Variants in WWOX observed in about 807,000 individuals in gnomAD.
The protein encoded by WWOX is WW domain-containing oxidoreductase.
Under a neutral mutation model 46.2 loss-of-function variants are expected in WWOX, and 69 were observed. The ratio of observed to expected loss-of-function variants is 1.49; its 90% CI spans 1.23 to 1.82. The LOEUF (loss-of-function observed/expected upper bound fraction) is 1.82. Ranked by LOEUF, WWOX falls within the 40% of genes most tolerant of loss-of-function variation. The pLI, the probability that WWOX is intolerant of heterozygous loss-of-function variation, is 0.00. For missense variants in WWOX, 919 were observed against 542.6 expected (o/e 1.69, Z -6.89); for synonymous variants, 359 against 202.6 (o/e 1.77, Z -6.56).
intron 8 of WWOX, among the ~76,000 whole-genome samples, chr16:78,902,568 T>C (rs529418404): frequency 4.9e-4 from 74 of 152,348 alleles, no homozygotes; most frequent in African/African-American, 1.6e-3. Context: ...GCCAAAGATA[T>C]GCCCGAGTAG....
At chr16:78,551,784 G>A (rs575741692) in intron 8 of WWOX, 2 of 152,280 alleles carry the variant, frequency 1.3e-5, no homozygotes, top group African/African-American at 4.8e-5. Context: ...CCTCTGCCGA[G>A]ACTCCAGGGA....
intron 8 of WWOX, among the ~76,000 whole-genome samples, chr16:78,515,833 G>A (rs2043223394): frequency 6.6e-6 from 1 of 152,154 alleles, no homozygotes; most frequent in Non-Finnish European, 1.5e-5. Flanking sequence ...GTTAAAAAAA[G>A]CAATAACATT....
intron 8 of WWOX, among the ~76,000 whole-genome samples, chr16:78,887,468 A>AACACACACACACAC (rs78503110): frequency 7.4e-6 from 1 of 135,956 alleles, no homozygotes; most frequent in African/African-American, 2.9e-5. Flanking sequence ...AAGTATATAA[A>AACACACACACACAC]ACACACACAC....
chr16:79,170,053 A>C (rs891169289), intron 8 of WWOX, among the ~76,000 whole-genome samples: 1 of 152,172 alleles, frequency 6.6e-6, no homozygotes, highest in African/African-American at 2.4e-5. Flanking sequence ...ATGAGCGCCA[A>C]CCAGCTCAAA....
chr16:78,568,675 A>G (rs1026612706), intron 8 of WWOX, among the ~76,000 whole-genome samples: 1 of 151,976 alleles, frequency 6.6e-6, no homozygotes, highest in Non-Finnish European at 1.5e-5. Context: ...GGGTTTCGCC[A>G]TGTTGGCCAG....
chr16:78,944,003 C>T (rs555836521), intron 8 of WWOX, among the ~76,000 whole-genome samples: 9 of 152,220 alleles, frequency 5.9e-5, no homozygotes, highest in South Asian at 4.2e-4. Flanking sequence ...AGAAGCTCAT[C>T]AAGGAAAGGA....
chr16:78,590,885 A>G (rs2045335095), intron 8 of WWOX, among the ~76,000 whole-genome samples: 1 of 152,166 alleles, frequency 6.6e-6, no homozygotes, highest in East Asian at 1.9e-4. Context: ...TTTAGACAAC[A>G]CCAGCTGCTA....
At chr16:78,868,217 T>C (rs2151199725) in intron 8 of WWOX, among the ~76,000 whole-genome samples, 1 of 152,294 alleles carries the variant, frequency 6.6e-6, no homozygotes, top group South Asian at 2.1e-4. Flanking sequence ...TAACTCTGGA[T>C]ACCTTTAATA....
intron 8 of WWOX, among the ~76,000 whole-genome samples, chr16:78,817,508 T>C (rs927764899): frequency 6.6e-6 from 1 of 152,206 alleles, no homozygotes; most frequent in Non-Finnish European, 1.5e-5. Context: ...AAAATAGATG[T>C]ACAGCTTGGC....
chr16:78,344,943 C>G (rs1236583487), intron 5 of WWOX, among the ~76,000 whole-genome samples: 3 of 120,788 alleles, frequency 2.5e-5, no homozygotes, highest in Admixed American at 1.6e-4. Flanking sequence ...TGCGGGAACT[C>G]TGGAAAGTCA....
intron 8 of WWOX, among the ~76,000 whole-genome samples, chr16:79,058,111 AAAAAAAAAACAAACAAAC>A (rs1409536829): frequency 0.049 from 4,670 of 95,006 alleles, 250 homozygotes; most frequent in African/African-American, 0.18. Flanking sequence ...TTACTTAAAA[AAAAAAAAAACAAACAAAC>A]AAAAAAAAAA....
At chr16:78,750,572 A>C (rs367615612) in intron 8 of WWOX, among the ~76,000 whole-genome samples, 1 of 152,064 alleles carries the variant, frequency 6.6e-6, no homozygotes, top group Admixed American at 6.6e-5. Context: ...TTGGGCTTCA[A>C]TTGAACCCAT....
chr16:78,735,497 C>G (rs549602964), intron 8 of WWOX, among the ~76,000 whole-genome samples: 9 of 152,176 alleles, frequency 5.9e-5, no homozygotes, highest in Admixed American at 5.2e-4. Flanking sequence ...CGTGCTTGAA[C>G]TCGAGGACTT....
At chr16:78,508,884 A>C (rs560598810) in intron 8 of WWOX, among the ~76,000 whole-genome samples, 1 of 152,172 alleles carries the variant, frequency 6.6e-6, no homozygotes, top group Non-Finnish European at 1.5e-5. Flanking sequence ...TCTTTTCAGG[A>C]ATGCAGATAT....
intron 8 of WWOX, among the ~76,000 whole-genome samples, chr16:78,563,591 C>G (rs1003879430): frequency 6.0e-5 from 9 of 150,020 alleles, no homozygotes; most frequent in African/African-American, 2.2e-4. Context: ...AACCAAATGC[C>G]TTTTAGGAAG....
chr16:78,104,415 G>T (rs111947257), intron 1 of WWOX, among the ~76,000 whole-genome samples: 2,861 of 152,192 alleles, frequency 0.019, 98 homozygotes, highest in African/African-American at 0.065. Flanking sequence ...AAGGTGGGAG[G>T]ATCGCCTGAG....
At chr16:78,777,238 G>C (rs940660219) in intron 8 of WWOX, among the ~76,000 whole-genome samples, 1 of 151,858 alleles carries the variant, frequency 6.6e-6, no homozygotes. Context: ...CTACTTAGAA[G>C]ACAGTGACAT....
At chr16:78,923,352 A>G (rs896475404) in intron 8 of WWOX, among the ~76,000 whole-genome samples, 4 of 152,068 alleles carry the variant, frequency 2.6e-5, no homozygotes, top group Admixed American at 2.6e-4. Flanking sequence ...CATCATTATC[A>G]ACATCATTAT....
intron 8 of WWOX, among the ~76,000 whole-genome samples, chr16:78,475,756 G>A (rs1044323246): frequency 2.6e-5 from 4 of 152,084 alleles, no homozygotes; most frequent in East Asian, 1.9e-4. Flanking sequence ...CCACCACACC[G>A]GCTAATTTTA....
Sources: gnomAD v4.1 joint callset for allele counts (sites outside exome capture counted in the v4.1 genomes callset) on GRCh38, gnomAD v4.1.1 for gene constraint, MANE v1.5 for transcripts, NCBI Gene and HGNC (gene_info 2026-07-23, HGNC 2026-07-21) for gene names.